Variants in CSMD2 observed in about 807,000 individuals in gnomAD.
CSMD2 encodes the protein CUB and sushi domain-containing protein 2.
Under a neutral mutation model 398.5 loss-of-function variants are expected in CSMD2, and 130 were observed. The observed-to-expected ratio is 0.33, with a 90% CI of 0.28 to 0.38. The LOEUF (loss-of-function observed/expected upper bound fraction) is 0.38. CSMD2 is among the 10% of genes least tolerant of loss of function. The probability of loss-of-function intolerance (pLI) is 1.00; values close to 1 mark genes in which losing one functional copy is unlikely to be tolerated. For missense variants in CSMD2, 3,829 were observed against 4,764.9 expected, an observed-to-expected ratio of 0.80 and a Z score of 5.78; for synonymous variants, 1,828 against 1,908.5, an observed-to-expected ratio of 0.96 and a Z score of 1.10.
At chr1:33,890,482 G>T (rs1045954058) in intron 5 of CSMD2, among the ~76,000 whole-genome samples, 3 of 152,054 alleles carry the variant, frequency 2.0e-5, no homozygotes, top group African/African-American at 7.2e-5. Context: ...TGCCTGCCTT[G>T]GCCTCCCAAA....
intron 28 of CSMD2, among the ~76,000 whole-genome samples, chr1:33,648,636 T>A (rs1374739734): frequency 6.6e-6 from 1 of 152,206 alleles, no homozygotes; most frequent in Non-Finnish European, 1.5e-5. Flanking sequence ...AATGATAACA[T>A]CTGCTTCTTA....
intron 44 of CSMD2, among the ~76,000 whole-genome samples, chr1:33,593,299 G>T (rs2148775360): frequency 6.6e-6 from 1 of 152,226 alleles, no homozygotes; most frequent in South Asian, 2.1e-4. Flanking sequence ...TATGTTCCTG[G>T]TATAGAAAAT....
chr1:33,611,486 G>A (rs1218298295), intron 40 of CSMD2, among the ~76,000 whole-genome samples: 1 of 152,212 alleles, frequency 6.6e-6, no homozygotes, highest in African/African-American at 2.4e-5. Context: ...AGTCATTTCA[G>A]AGCTCCACTG....
intron 1 of CSMD2, among the ~76,000 whole-genome samples, chr1:34,131,197 G>T (rs1663307664): frequency 6.6e-6 from 1 of 152,110 alleles, no homozygotes; most frequent in Admixed American, 6.5e-5. Flanking sequence ...ATCCCATGAG[G>T]CAGGGGCTAT....
intron 2 of CSMD2, among the ~76,000 whole-genome samples, chr1:34,078,468 T>C (rs923729006): frequency 2.0e-5 from 3 of 152,140 alleles, no homozygotes; most frequent in Non-Finnish European, 4.4e-5. Context: ...TCTGAGTTAC[T>C]GAGTCCTAAG....
At chr1:34,082,670 G>C (rs888760960) in intron 2 of CSMD2, among the ~76,000 whole-genome samples, 3 of 152,262 alleles carry the variant, frequency 2.0e-5, no homozygotes, top group Non-Finnish European at 4.4e-5. Flanking sequence ...CAGATTGTTA[G>C]TGTGTCTGTG....
At chr1:33,779,753 G>A (rs1557880438) in intron 12 of CSMD2, among the ~76,000 whole-genome samples, 1 of 152,176 alleles carries the variant, frequency 6.6e-6, no homozygotes, top group Non-Finnish European at 1.5e-5. Context: ...TGTTGTTATA[G>A]CAACGGGTGC....
intron 1 of CSMD2, among the ~76,000 whole-genome samples, chr1:34,132,676 A>G (rs986200455): frequency 1.3e-5 from 2 of 152,248 alleles, no homozygotes; most frequent in Admixed American, 6.5e-5. Flanking sequence ...GAAAGAAGAA[A>G]TAGACAGAGA....
Position 33,945,824 on chromosome 1 carries a change from G to A in CSMD2, c.518-9870C>T, listed in dbSNP as rs544555569. ...CTGCTCAGCCCGATCTGCCCCGACA[G>A]CACCCTAGCCCAGGGATGATCAAAT... On this transcript the variant is annotated intron_variant, in intron 3 of 70. Transcript: ENST00000373381. Among the ~76,000 whole-genome samples, 66 of 152,278 alleles carry A rather than the reference G, an allele frequency of 4.3e-4. No individual in the cohort carries two copies. The South Asian group carries it at 0.011, about 26-fold the overall frequency.
intron 25 of CSMD2, among the ~76,000 whole-genome samples, chr1:33,676,272 A>C (rs971665454): frequency 6.6e-6 from 1 of 152,232 alleles, no homozygotes; most frequent in African/African-American, 2.4e-5. Flanking sequence ...CTCAGGATAC[A>C]AAATCAATGT....
chr1:33,790,871 A>G (rs1654223517), intron 11 of CSMD2, among the ~76,000 whole-genome samples: 1 of 151,106 alleles, frequency 6.6e-6, no homozygotes, highest in African/African-American at 2.4e-5. Flanking sequence ...TCTATCTCCT[A>G]TTGTTCTGTT....
chr1:33,918,460 T>G (rs1014872478), intron 4 of CSMD2, among the ~76,000 whole-genome samples, 159 bp from the exon 5 acceptor site: 1 of 152,174 alleles, frequency 6.6e-6, no homozygotes, highest in Admixed American at 6.5e-5. Flanking sequence ...TTTGGACAAG[T>G]CCATCTGAGA....
chr1:33,548,931 G>A (rs1657162856), intron 56 of CSMD2, among the ~76,000 whole-genome samples: 1 of 152,170 alleles, frequency 6.6e-6, no homozygotes, highest in African/African-American at 2.4e-5. Context: ...AGTCATCATG[G>A]CTCCTATATA....
chr1:33,532,524 G>A (rs376852733), intron 64 of CSMD2, among the ~76,000 whole-genome samples: 2 of 152,122 alleles, frequency 1.3e-5, no homozygotes, highest in African/African-American at 4.8e-5. Flanking sequence ...ACATCTCCAT[G>A]TTCCTCCAAG....
chr1:33,765,594 G>C (rs1650388105), intron 13 of CSMD2, among the ~76,000 whole-genome samples: 1 of 152,124 alleles, frequency 6.6e-6, no homozygotes, highest in Non-Finnish European at 1.5e-5. Flanking sequence ...TCAAATTACT[G>C]ACAAATAACC....
At chr1:33,902,822 T>G (rs1642845104) in intron 5 of CSMD2, among the ~76,000 whole-genome samples, 1 of 152,158 alleles carries the variant, frequency 6.6e-6, no homozygotes, top group South Asian at 2.1e-4. Context: ...GTGGGAAGCC[T>G]GTTCATCACC....
At chr1:33,783,437 C>CA (rs1449080153) in intron 12 of CSMD2, among the ~76,000 whole-genome samples, 1 of 28,454 alleles carries the variant, frequency 3.5e-5, no homozygotes, top group Non-Finnish European at 1.2e-4. Context: ...CTCATTCTCT[C>CA]TCTCTCTCTC....
intron 5 of CSMD2, among the ~76,000 whole-genome samples, chr1:33,877,888 C>T (rs1640951952): frequency 6.6e-6 from 1 of 152,100 alleles, no homozygotes; most frequent in Non-Finnish European, 1.5e-5. Context: ...TATACTGGTA[C>T]AAGCTGAGCT....
At chr1:33,613,123 T>A (rs1641142503) in intron 40 of CSMD2, among the ~76,000 whole-genome samples, 1 of 152,160 alleles carries the variant, frequency 6.6e-6, no homozygotes, top group Non-Finnish European at 1.5e-5. Context: ...AGGTACCAAG[T>A]TAGGGACCTC....
Sources: allele counts gnomAD v4.1 joint callset (sites outside exome capture counted in the v4.1 genomes callset), GRCh38; gene constraint gnomAD v4.1.1; transcripts MANE v1.5; gene names NCBI Gene and HGNC (gene_info 2026-07-23, HGNC 2026-07-21).